The following CADPS variants were observed in gnomAD, a reference collection of about 807,000 sequenced individuals.
CADPS encodes the protein calcium dependent secretion activator, also known as calcium-dependent secretion activator 1.
Under a neutral mutation model 167.3 loss-of-function variants are expected in CADPS, and 57 were observed. That is an observed-to-expected ratio of 0.34 (90% CI 0.28 to 0.42). The LOEUF is 0.42. CADPS is among the 20% of genes least tolerant of loss of function. CADPS has a pLI of 1.00. For missense variants in CADPS, 1,414 were observed against 1,738.1 expected (o/e 0.81, Z 3.32); for synonymous variants, 676 against 635.3 (o/e 1.06, Z -0.96).
intron 9 of CADPS, among the ~76,000 whole-genome samples, chr3:62,561,638 C>T (rs1463089633): frequency 1.3e-5 from 2 of 152,100 alleles, no homozygotes; most frequent in Non-Finnish European, 2.9e-5. Flanking sequence ...TCCATAACCT[C>T]TAAGATTGCC....
intron 1 of CADPS, among the ~76,000 whole-genome samples, chr3:62,801,648 G>A (rs1428801621): frequency 2.0e-5 from 3 of 152,088 alleles, no homozygotes; most frequent in Non-Finnish European, 4.4e-5. Context: ...AACCATAATA[G>A]TAGCTACCAC....
chr3:62,668,108 A>G (rs763887341), intron 3 of CADPS, among the ~76,000 whole-genome samples: 1 of 152,222 alleles, frequency 6.6e-6, no homozygotes, highest in Non-Finnish European at 1.5e-5. Context: ...CGCTGCCAAG[A>G]GGCAGCCTTC....
intron 1 of CADPS, among the ~76,000 whole-genome samples, chr3:62,819,403 T>C (rs965361133): frequency 7.9e-6 from 1 of 126,738 alleles, no homozygotes; most frequent in Non-Finnish European, 1.7e-5. Flanking sequence ...TGACAATCTG[T>C]GTGCGTGTGT....
chr3:62,853,156 G>A (rs1577352943), intron 1 of CADPS, among the ~76,000 whole-genome samples: 1 of 152,060 alleles, frequency 6.6e-6, no homozygotes, highest in East Asian at 1.9e-4. Flanking sequence ...ATGTCACTGT[G>A]ATCAATACCA....
At chr3:62,834,671 G>A (rs1416094877) in intron 1 of CADPS, among the ~76,000 whole-genome samples, 1 of 152,024 alleles carries the variant, frequency 6.6e-6, no homozygotes. Flanking sequence ...ACATATGATG[G>A]ACCTAGTCCA....
At chr3:62,869,041 A>G (rs751497522) in intron 1 of CADPS, among the ~76,000 whole-genome samples, 14 of 152,186 alleles carry the variant, frequency 9.2e-5, no homozygotes, top group Admixed American at 2.6e-4. Context: ...AAGTGTTTTG[A>G]ATTTTTAAAG....
chr3:62,825,986 G>C (rs1045989109), intron 1 of CADPS, among the ~76,000 whole-genome samples: 18 of 152,152 alleles, frequency 1.2e-4, no homozygotes, highest in African/African-American at 3.6e-4. Context: ...AAAGAATGTA[G>C]ACTTTGCCAG....
intron 3 of CADPS, among the ~76,000 whole-genome samples, chr3:62,740,861 T>C (rs2080071703): frequency 6.6e-6 from 1 of 152,218 alleles, no homozygotes; most frequent in African/African-American, 2.4e-5. Context: ...AAAGGTTACA[T>C]CGATAATAAA....
intron 28 of CADPS, among the ~76,000 whole-genome samples, chr3:62,426,882 A>G (rs1461350565): frequency 6.7e-6 from 1 of 149,998 alleles, no homozygotes; most frequent in Non-Finnish European, 1.5e-5. Flanking sequence ...ACTGGCTAAC[A>G]CGATGAAACC....
chr3:62,533,464 C>T (rs2074115523), intron 12 of CADPS, among the ~76,000 whole-genome samples: 1 of 152,122 alleles, frequency 6.6e-6, no homozygotes, highest in African/African-American at 2.4e-5. Flanking sequence ...AACATTAATG[C>T]TCTACATTGA....
At chr3:62,454,096 A>G (rs1013180901) in intron 26 of CADPS, among the ~76,000 whole-genome samples, 2 of 152,170 alleles carry the variant, frequency 1.3e-5, no homozygotes, top group Non-Finnish European at 2.9e-5. Context: ...GAAAGAAAAG[A>G]GTTAAAGTTT....
At chr3:62,619,019 G>A (rs890931376) in intron 6 of CADPS, among the ~76,000 whole-genome samples, 2 of 152,220 alleles carry the variant, frequency 1.3e-5, no homozygotes, top group African/African-American at 2.4e-5. Context: ...GGCCAATTCT[G>A]GCCTATTGCC....
At chr3:62,517,263 C>G (rs2151689978) in intron 14 of CADPS, among the ~76,000 whole-genome samples, 1 of 152,230 alleles carries the variant, frequency 6.6e-6, no homozygotes, top group East Asian at 1.9e-4. Context: ...TTCAGGTTGT[C>G]ACTGGCCCGT....
At chr3:62,720,180 C>T (rs1581098957) in intron 3 of CADPS, among the ~76,000 whole-genome samples, 1 of 150,522 alleles carries the variant, frequency 6.6e-6, no homozygotes, top group African/African-American at 2.4e-5. Context: ...CAAAAAGTAA[C>T]CATAGATAGC....
chr3:62,515,951 T>A, intron 16 of CADPS, 108 bp downstream of exon 16: 1 of 1,351,278 alleles, frequency 7.4e-7, no homozygotes, highest in Non-Finnish European at 1.0e-6. Context: ...CAGCTTAATA[T>A]ACTCAGACGG....
chr3:62,513,419 G>C (rs1298683737), intron 16 of CADPS, among the ~76,000 whole-genome samples: 1 of 151,932 alleles, frequency 6.6e-6, no homozygotes, highest in Non-Finnish European at 1.5e-5. Flanking sequence ...AGACAAATCT[G>C]AGTTTATCAC....
intron 16 of CADPS, among the ~76,000 whole-genome samples, chr3:62,515,180 G>A (rs1196568693): frequency 6.6e-6 from 1 of 152,080 alleles, no homozygotes; most frequent in Non-Finnish European, 1.5e-5. Flanking sequence ...ATGCGCATTT[G>A]CTAGTTTTAG....
intron 14 of CADPS, among the ~76,000 whole-genome samples, chr3:62,517,903 T>C (rs558013928): frequency 1.3e-5 from 2 of 152,330 alleles, no homozygotes; most frequent in South Asian, 4.1e-4. Flanking sequence ...TTGTAATAGA[T>C]TGTTGACCAG....
chr3:62,540,785 G>A (rs1238405587), intron 11 of CADPS, among the ~76,000 whole-genome samples: 1 of 152,034 alleles, frequency 6.6e-6, no homozygotes, highest in Admixed American at 6.6e-5. Context: ...CACTGTCCCG[G>A]TCTGTTCTTC....
Sources: gnomAD v4.1 joint callset for allele counts (sites outside exome capture counted in the v4.1 genomes callset) on GRCh38, gnomAD v4.1.1 for gene constraint, MANE v1.5 for transcripts, NCBI Gene and HGNC (gene_info 2026-07-23, HGNC 2026-07-21) for gene names.